Variants in AKNA observed in about 807,000 individuals in gnomAD.
AKNA encodes the protein AT-hook transcription factor.
A neutral mutation model predicts 138.8 loss-of-function variants in AKNA; 67 were observed. The ratio of observed to expected loss-of-function variants is 0.48; its 90% CI spans 0.40 to 0.59. AKNA has a LOEUF of 0.59. AKNA is among the 20% of genes least tolerant of loss of function. The pLI, the probability that AKNA is intolerant of heterozygous loss-of-function variation, is 0.00. For missense variants in AKNA, 1,813 were observed against 1,880.4 expected (o/e 0.96, Z 0.66); for synonymous variants, 737 against 754.4 (o/e 0.98, Z 0.38).
intron 3 of AKNA, among the ~76,000 whole-genome samples, chr9:114,374,554 C>T (rs923765648): frequency 2.0e-5 from 3 of 152,158 alleles, no homozygotes; most frequent in Admixed American, 6.5e-5. Flanking sequence ...GCTGCACTGT[C>T]GGTGTTTAAG....
At chr9:114,342,344 A>G (rs1009724302) in intron 19 of AKNA, among the ~76,000 whole-genome samples, 1 of 152,122 alleles carries the variant, frequency 6.6e-6, no homozygotes, top group Non-Finnish European at 1.5e-5. Context: ...GCATTATTTT[A>G]TCAAATCCAA....
downstream of AKNA, chr9:114,331,467 G>T: frequency 1.1e-6 from 1 of 940,236 alleles, no homozygotes. Context: ...CTTCACTGAT[G>T]GGCTTTGTGG....
intron 4 of AKNA, among the ~76,000 whole-genome samples, chr9:114,372,965 G>GGC (rs1554842051): frequency 7.5e-5 from 4 of 53,046 alleles, no homozygotes; most frequent in Admixed American, 2.2e-4. Context: ...GGGACGCAGC[G>GGC]GGGGGGGGGG....
chr9:114,374,273 C>A (rs1687369517), intron 3 of AKNA, 106 bp from the exon 4 acceptor site: 2 of 1,115,664 alleles, frequency 1.8e-6, no homozygotes, highest in Non-Finnish European at 2.6e-6. Flanking sequence ...CTTCTGGGTT[C>A]CTGAGAGGAA....
In AKNA at chr9:114,377,397, G is replaced by A. The variant is rs769701200; in HGVS notation, c.410C>T (p.Ala137Val). The part of the protein sequence containing the change: ...GTLGSLEVEE[A>V]GESSSRLGYE... ...CCCCAACCTTGAGGAGCTCTCTCCAGCCTCCTCAACCTCCAGACTTCCGAG... is the reference window on the plus strand; with the variant it reads ...CCCCAACCTTGAGGAGCTCTCTCCAACCTCCTCAACCTCCAGACTTCCGAG... Residue 137 changes from alanine (A) to valine (V), a missense_variant, in exon 3 of 22, where the codon GCT becomes GTT. By Grantham distance (64) the Ala-to-Val change is moderately conservative. Transcript: ENST00000374088. 1 of 1,613,844 alleles carries A rather than the reference G, an allele frequency of 6.2e-7. No individual in the cohort carries two copies. Among genetic ancestry groups the A allele is most frequent in the East Asian group, 2.2e-5 (1 of 44,854 alleles).
upstream of AKNA, among the ~76,000 whole-genome samples, chr9:114,397,639 G>T (rs546675206): frequency 1.1e-4 from 16 of 152,340 alleles, no homozygotes; most frequent in African/African-American, 3.6e-4. Context: ...CACGCAGCAA[G>T]CAGACTCTGG....
At position 114,377,492 on chromosome 9, in the gene AKNA, A is replaced by G. The variant is rs2132061022; in HGVS notation, c.315T>C (p.His105=). The change falls in exon 3 of 22, where the codon CAT becomes CAC. Residue 105 remains histidine, a synonymous_variant. Coordinates refer to ENST00000374088, the MANE Select transcript of AKNA (RefSeq NM_001317950.2). ...GCTGGGGGAGCCAGGCAAGAGGCTC[A>G]TGGGAACTTGCTGGGCTGTCCACAT... ...AEDVDSPASS[H]EPLAWLPQQG... 6 of 1,611,878 alleles carry G rather than the reference A, an allele frequency of 3.7e-6. No homozygotes were observed. Among genetic ancestry groups the G allele is most frequent in the Non-Finnish European group, 5.1e-6 (6 of 1,178,990 alleles).
At position 114,335,382 on chromosome 9, in the gene AKNA, G is replaced by A. The variant is rs900116413; in HGVS notation, c.*1672C>T. On this transcript the variant is annotated 3_prime_UTR_variant, in exon 22 of 22. Coordinates refer to ENST00000374088, the MANE Select transcript of AKNA (RefSeq NM_001317950.2). ...GGCAGAGTGAGGGTCCTGAGGGTTA[G>A]CACATGGACTGTGTGAAGCAGACAA... The A allele has an allele frequency of 1.3e-5, 2 of 152,266 alleles. No individual in the cohort carries two copies. Among genetic ancestry groups the A allele is most frequent in the African/African-American group, 4.8e-5 (2 of 41,444 alleles). 9.4% of individuals were successfully genotyped at this position (152,266 alleles called of 1,614,324 possible).
chr9:114,368,180 G>A, intron 5 of AKNA: 1 of 376,306 alleles, frequency 2.7e-6, no homozygotes, highest in Non-Finnish European at 4.7e-6. Flanking sequence ...CAGGGACAAT[G>A]CTCTATGTTT....
At chr9:114,351,753 C>T (rs10982176) in intron 14 of AKNA, among the ~76,000 whole-genome samples, 3,717 of 152,000 alleles carry the variant, frequency 0.024, 117 homozygotes, top group African/African-American at 0.073. Context: ...ATCGCTTGGG[C>T]CAGGGAGGAC....
rs1373317804 is a variant in AKNA at position 114,377,536 on chromosome 9, G to C, written c.275-4C>G. The C allele has an allele frequency of 6.3e-7, 1 of 1,586,712 alleles. No individual in the cohort carries two copies. The highest frequency in any genetic ancestry group is 8.6e-7 in the Non-Finnish European group (1 of 1,166,298). Reference sequence around the variant, plus strand: ...TCCACATCCTCTGCTTCAGCCTCTGGAAAGACAGGCCATTCACTTCTTAGC... The same window carrying C: ...TCCACATCCTCTGCTTCAGCCTCTGCAAAGACAGGCCATTCACTTCTTAGC... On this transcript the variant is annotated splice_polypyrimidine_tract_variant and splice_region_variant and intron_variant, in intron 2 of 21. Coordinates refer to ENST00000374088, the MANE Select transcript of AKNA (RefSeq NM_001317950.2).
At chr9:114,348,180 C>A (rs1346632073) in intron 15 of AKNA, among the ~76,000 whole-genome samples, 6 of 152,144 alleles carry the variant, frequency 3.9e-5, no homozygotes, top group African/African-American at 7.2e-5. Flanking sequence ...TTCAGGAACA[C>A]CAGTGACAAA....
intron 14 of AKNA, 38 bp downstream of exon 14, chr9:114,355,887 C>T (rs1371172034): frequency 1.3e-6 from 2 of 1,580,700 alleles, no homozygotes; most frequent in East Asian, 2.3e-5. Context: ...GATTTTTCAA[C>T]CCATGCAGTT....
chr9:114,395,338 C>T (rs1834499254), upstream of AKNA, among the ~76,000 whole-genome samples: 1 of 152,092 alleles, frequency 6.6e-6, no homozygotes, highest in Non-Finnish European at 1.5e-5. Context: ...AACTGCCGCA[C>T]CTCTTCCCTA....
chr9:114,390,727 C>T (rs764469106), upstream of AKNA, among the ~76,000 whole-genome samples: 135 of 152,352 alleles, frequency 8.9e-4, no homozygotes, highest in African/African-American at 2.8e-3. Flanking sequence ...TCCCACCACC[C>T]TCTCTGCCCT....
In AKNA at chr9:114,361,819, C is replaced by G. The variant is rs1831986873; in HGVS notation, c.2009G>C (p.Gly670Ala). 1.9e-6 allele frequency: 3 copies of G among 1,613,474 alleles called. No individual in the cohort carries two copies. The African/African-American group carries it at 4.0e-5, about 22-fold the overall frequency. Residue 670 changes from glycine (G) to alanine (A), a missense_variant, in exon 9 of 22, where the codon GGG (glycine) becomes GCG (alanine). By Grantham distance (60) the Gly-to-Ala change is moderately conservative (BLOSUM62 0). Transcript: ENST00000374088. ...DQTQQEPEPP[G>A]SDSALDSTPA... is the part of the protein sequence containing the mutation. ...GGTGCTGTCCAGAGCTGAGTCTGAC[C>G]CGGGCGGCTCAGGCTCTTGCTGGGT... is the stretch of plus-strand genomic sequence containing the variant.
At chr9:114,360,229 G>C (rs550180286) in intron 9 of AKNA, 167 bp from the exon 10 acceptor site, 1 of 810,404 alleles carries the variant, frequency 1.2e-6, no homozygotes, top group Non-Finnish European at 2.0e-6. Flanking sequence ...AGACTGGGCT[G>C]TGTGGTCTTC....
Position 114,342,040 on chromosome 9 carries a change from TG to T in AKNA, c.3842del (p.Pro1281GlnfsTer115). ...CPLCGQVGSP[P>X]EADGPGSATS... is the part of the protein sequence containing the mutation. Reference sequence around the variant, plus strand: ...TGGCTGAGCCTGGACCATCTGCCTCTGGGGGAGACCCAACTTGACCACACAG... The same window carrying T: ...TGGCTGAGCCTGGACCATCTGCCTCTGGGGAGACCCAACTTGACCACACAG... On this transcript the variant is annotated frameshift_variant, in exon 20 of 22. Coordinates refer to ENST00000374088, the MANE Select transcript of AKNA (RefSeq NM_001317950.2). LOFTEE classifies it high-confidence loss of function. 6.2e-7 allele frequency: 1 copy of T among 1,614,074 alleles called. No individual in the cohort carries two copies. Among genetic ancestry groups the T allele is most frequent in the Non-Finnish European group, 8.5e-7 (1 of 1,179,970 alleles).
rs918758207 is a variant in AKNA, at chr9:114,381,548, C to A, written c.-113-102G>T. 22 of 1,183,096 alleles carry A rather than the reference C, an allele frequency of 1.9e-5. No homozygotes were observed. In the South Asian group the frequency reaches 6.4e-4, roughly 34 times the overall value. 73.3% of individuals were successfully genotyped at this position (1,183,096 alleles called of 1,614,324 possible). A position where few individuals can be genotyped will look rare whatever the true frequency, so the allele number is the denominator to read the frequency against. On this transcript the variant is annotated intron_variant, in intron 1 of 21. Coordinates refer to ENST00000374088, the MANE Select transcript of AKNA (RefSeq NM_001317950.2). ...AGGAACTCTGGAATTAGCCCCAGTT[C>A]AACTCCTGGTTGTGTCCTCCCGAAG...
Sources: allele counts gnomAD v4.1 joint callset (sites outside exome capture counted in the v4.1 genomes callset), GRCh38; gene constraint gnomAD v4.1.1; transcripts MANE v1.5; gene names NCBI Gene and HGNC (gene_info 2026-07-23, HGNC 2026-07-21).